Variants in PPP6R2 observed in about 807,000 individuals in gnomAD.
The protein encoded by PPP6R2 is serine/threonine-protein phosphatase 6 regulatory subunit 2.
PPP6R2 carries 62 observed loss-of-function variants against 100.2 expected under a neutral mutation model. The observed-to-expected ratio is 0.62, with a 90% CI of 0.50 to 0.76. The LOEUF (loss-of-function observed/expected upper bound fraction) is 0.76, where lower values mean the gene tolerates loss of function less well. Among genes scored for constraint, PPP6R2 ranks in the 30% least tolerant of loss-of-function variants. PPP6R2 has a pLI of 0.00. For synonymous variants in PPP6R2, 525 were observed against 514.7 expected (o/e 1.02, Z -0.27); for missense variants, 1,142 against 1,276.3 (o/e 0.89, Z 1.60).
At chr22:50,442,015 C>T (rs775098512) in intron 22 of PPP6R2, among the ~76,000 whole-genome samples, 1 of 152,150 alleles carries the variant, frequency 6.6e-6, no homozygotes, top group Non-Finnish European at 1.5e-5. Flanking sequence ...AGTCCTCGGG[C>T]TGGATTCCTC....
intron 8 of PPP6R2, among the ~76,000 whole-genome samples, chr22:50,420,797 C>T (rs1335627051): frequency 2.1e-4 from 32 of 152,236 alleles, no homozygotes. Context: ...CACTTCCCCT[C>T]CTGGCCTCAC....
intron 4 of PPP6R2, among the ~76,000 whole-genome samples, chr22:50,414,275 C>G (rs1392241950): frequency 5.4e-5 from 8 of 148,966 alleles, no homozygotes; most frequent in African/African-American, 2.0e-4. Context: ...CTGTGCTGCC[C>G]CACCTGGGAC....
At chr22:50,375,416 G>A (rs2051268315) in intron 2 of PPP6R2, among the ~76,000 whole-genome samples, 1 of 152,248 alleles carries the variant, frequency 6.6e-6, no homozygotes, top group Non-Finnish European at 1.5e-5. Flanking sequence ...GGACAAAGTG[G>A]GGCTTTGAGT....
rs2065442883 is a variant in PPP6R2 at position 50,440,968 on chromosome 22, C to T, written c.2521C>T (p.Pro841Ser). The stretch of plus-strand genomic sequence containing the variant: ...TGCCATGGATGCGGTGAGCAGGGGT[C>T]CCGGCCGGGAGGCCCCCCCGCTGCC... ...ASAMDAVSRG[P>S]GREAPPLPTV... Residue 841 changes from proline to serine, a missense_variant, in exon 22 of 24, where the codon CCC becomes TCC. Physicochemically the swap from Pro to Ser is moderately conservative, Grantham distance 74. Around this residue, in one of 2 missense-constraint regions of PPP6R2, gnomAD observed 550 missense variants for 517.4 expected, o/e 1.06. Coordinates refer to ENST00000612753, the MANE Select transcript of PPP6R2 (RefSeq NM_001242898.2). 3 of 1,612,018 alleles carry T rather than the reference C, an allele frequency of 1.9e-6. No individual in the cohort carries two copies. The highest frequency in any genetic ancestry group is 2.5e-6 in the Non-Finnish European group (3 of 1,179,030).
chr22:50,339,280 G>T (rs532372350), upstream of PPP6R2, among the ~76,000 whole-genome samples: 1,512 of 129,996 alleles, frequency 0.012, 15 homozygotes, highest in Non-Finnish European at 0.016. Flanking sequence ...TGTGTGTAGG[G>T]TGTGTGTTGT....
chr22:50,434,653 G>A (rs2063806976), intron 12 of PPP6R2, among the ~76,000 whole-genome samples: 1 of 100,656 alleles, frequency 9.9e-6, no homozygotes, highest in Non-Finnish European at 2.0e-5. Context: ...GGGCATGGAT[G>A]CTGGGCAGGG....
At chr22:50,391,886 C>T (rs2055649137) in intron 2 of PPP6R2, 1 of 148,022 alleles carries the variant, frequency 6.8e-6, no homozygotes, top group Admixed American at 6.9e-5. Flanking sequence ...TTCTCTGTGG[C>T]TAGAAACAGG....
chr22:50,423,660 G>A lies in PPP6R2; in HGVS notation c.1125+46G>A. 1.2e-6 allele frequency: 2 copies of A among 1,608,292 alleles called. No homozygotes were observed. The highest frequency in any genetic ancestry group is 1.7e-6 in the Non-Finnish European group (2 of 1,176,324). On this transcript the variant is annotated intron_variant, in intron 10 of 23. Coordinates refer to ENST00000612753, the MANE Select transcript of PPP6R2 (RefSeq NM_001242898.2). This position sits in a 1 kb window ranked among gnomAD's most constrained non-coding sequence, Gnocchi z 4.8. Reference sequence around the variant, plus strand: ...GCCCTGCATGTCTGTGAGTGTGCCGGGCATGGCCTGTGGACTTGTCAGGAG... The same window carrying A: ...GCCCTGCATGTCTGTGAGTGTGCCGAGCATGGCCTGTGGACTTGTCAGGAG...
chr22:50,376,406 T>C (rs1258622492), intron 2 of PPP6R2, among the ~76,000 whole-genome samples: 1 of 152,130 alleles, frequency 6.6e-6, no homozygotes, highest in African/African-American at 2.4e-5. Context: ...AGAAACAGAC[T>C]ATAAAAAAAG....
At chr22:50,420,072 C>T (rs1293983854) in intron 8 of PPP6R2, among the ~76,000 whole-genome samples, 1 of 152,236 alleles carries the variant, frequency 6.6e-6, no homozygotes, top group Non-Finnish European at 1.5e-5. Context: ...GACACAGCCC[C>T]TCCCCTTTAA....
At chr22:50,439,588 C>T (rs1211495758) in intron 19 of PPP6R2, 113 bp from the exon 20 acceptor site, 4 of 1,210,100 alleles carry the variant, frequency 3.3e-6, no homozygotes, top group South Asian at 3.2e-5. Flanking sequence ...CCTGGAGCAG[C>T]CCCATCTTCC....
At chr22:50,336,151 A>C in the PPP6R2 span, among the ~76,000 whole-genome samples, 1 of 150,288 alleles carries the variant, frequency 6.7e-6, no homozygotes, top group Admixed American at 6.7e-5. Flanking sequence ...TGCCCGGCTA[A>C]TTTTGTTTTT....
intron 3 of PPP6R2, among the ~76,000 whole-genome samples, chr22:50,398,005 G>C (rs948689053): frequency 4.1e-5 from 6 of 144,868 alleles, no homozygotes; most frequent in Non-Finnish European, 9.1e-5. Flanking sequence ...CCTGTCATCT[G>C]AGGTTTTAAA....
Position 50,375,832 on chromosome 22 carries a change from A to ATTTTTTT in PPP6R2, c.-17+3702_-17+3708dup, listed in dbSNP as rs557118142. 2.5e-3 allele frequency among the ~76,000 whole-genome samples: 162 copies of ATTTTTTT among 64,542 alleles called. 31 individuals are homozygous for ATTTTTTT. Among genetic ancestry groups the ATTTTTTT allele is most frequent in the African/African-American group, 0.01 (125 of 11,996 alleles). 42.3% of individuals were successfully genotyped at this position (64,542 alleles called of 152,430 possible). A position where few individuals can be genotyped will look rare whatever the true frequency, so the allele number is the denominator to read the frequency against. ...CCTAAGATACAAAGAATCCCTGCAGATTTTTTTTTTTTTTTTTTTTTTTTT... is the reference window on the plus strand; with the variant it reads ...CCTAAGATACAAAGAATCCCTGCAGATTTTTTTTTTTTTTTTTTTTTTTTTTTTTTTT... On this transcript the variant is annotated intron_variant, in intron 2 of 23. Coordinates refer to ENST00000612753, the MANE Select transcript of PPP6R2 (RefSeq NM_001242898.2).
At chr22:50,418,627 C>A (rs1055606311) in intron 6 of PPP6R2, among the ~76,000 whole-genome samples, 1 of 151,988 alleles carries the variant, frequency 6.6e-6, no homozygotes, top group Non-Finnish European at 1.5e-5. Context: ...ACCTGATGAT[C>A]TGCCTGCCTT....
the PPP6R2 span, among the ~76,000 whole-genome samples, chr22:50,331,649 G>A: frequency 4.6e-5 from 7 of 152,000 alleles, no homozygotes; most frequent in East Asian, 1.9e-4. Context: ...ACAGAGTCTC[G>A]CTTATGTCAC....
Position 50,444,042 on chromosome 22 carries a change from T to C in PPP6R2, c.2756T>C (p.Val919Ala). The change falls in exon 23 of 24, where the codon GTC becomes GCC. Residue 919 changes from valine to alanine, a missense_variant. Around this residue, in one of 2 missense-constraint regions of PPP6R2, gnomAD observed 550 missense variants for 517.4 expected, o/e 1.06. Coordinates refer to ENST00000612753, the MANE Select transcript of PPP6R2 (RefSeq NM_001242898.2). ...PAVSSALAVAVPLGPIMAVTA... is the reference protein window; with the variant it reads ...PAVSSALAVAAPLGPIMAVTA... The stretch of plus-strand genomic sequence containing the variant: ...GTCTCTTCTGCACTGGCCGTGGCGG[T>C]CCCCCTAGGGCCCATCATGGCAGTC... The C allele has an allele frequency of 6.2e-7, 1 of 1,612,080 alleles. No homozygotes were observed. Among genetic ancestry groups the C allele is most frequent in the Non-Finnish European group, 8.5e-7 (1 of 1,179,668 alleles).
chr22:50,407,213 G>C (rs1213705330), intron 4 of PPP6R2, among the ~76,000 whole-genome samples: 1 of 152,126 alleles, frequency 6.6e-6, no homozygotes, highest in Non-Finnish European at 1.5e-5. Context: ...TGAGCGTGGT[G>C]GTGCGCACCT....
At chr22:50,426,572 C>T (rs989181143) in intron 10 of PPP6R2, among the ~76,000 whole-genome samples, 3 of 152,108 alleles carry the variant, frequency 2.0e-5, no homozygotes, top group Admixed American at 6.6e-5. Flanking sequence ...CGGTGGTTCA[C>T]GCCTGTAAAC....
Sources: gnomAD v4.1 joint callset for allele counts (sites outside exome capture counted in the v4.1 genomes callset) on GRCh38, gnomAD v4.1.1 for gene constraint, gnomAD v4.1.1 regional missense constraint, Gnocchi (gnomAD v3.1) non-coding constraint, MANE v1.5 for transcripts, NCBI Gene and HGNC (gene_info 2026-07-23, HGNC 2026-07-21) for gene names.